The following PHF24 variants were observed in gnomAD, a reference collection of about 807,000 sequenced individuals.
The protein encoded by PHF24 is Galpha inhibitory interacting protein.
A neutral mutation model predicts 42.6 loss-of-function variants in PHF24; 25 were observed. The observed-to-expected ratio is 0.59, with a 90% CI of 0.43 to 0.82. The LOEUF (loss-of-function observed/expected upper bound fraction) is 0.82. PHF24 is among the 40% of genes least tolerant of loss of function. The pLI, the probability that PHF24 is intolerant of heterozygous loss-of-function variation, is 0.00. For missense variants in PHF24, 470 were observed against 538.1 expected, an observed-to-expected ratio of 0.87 and a Z score of 1.25; for synonymous variants, 185 against 204.8, an observed-to-expected ratio of 0.90 and a Z score of 0.83.
At chr9:34,782,775 G>A in the PHF24 span, among the ~76,000 whole-genome samples, 5 of 152,180 alleles carry the variant, frequency 3.3e-5, no homozygotes, top group African/African-American at 7.2e-5. Flanking sequence ...CCAACCTACT[G>A]TTTGATTGGG....
At chr9:34,872,121 A>G in the PHF24 span, among the ~76,000 whole-genome samples, 1 of 152,200 alleles carries the variant, frequency 6.6e-6, no homozygotes, top group African/African-American at 2.4e-5. Flanking sequence ...ATAGTTTGTT[A>G]GGTTTATACC....
chr9:34,931,256 G>A, the PHF24 span, among the ~76,000 whole-genome samples: 4 of 151,244 alleles, frequency 2.6e-5, no homozygotes, highest in African/African-American at 9.7e-5. Flanking sequence ...GGCTCCTGTA[G>A]TCCCAGCTAC....
the PHF24 span, among the ~76,000 whole-genome samples, chr9:34,804,774 G>T: frequency 1.2e-4 from 19 of 152,172 alleles, no homozygotes; most frequent in African/African-American, 4.6e-4. Flanking sequence ...ACAATTCAGT[G>T]GTTTCTGGCA....
At chr9:34,795,799 T>C in the PHF24 span, among the ~76,000 whole-genome samples, 1 of 151,644 alleles carries the variant, frequency 6.6e-6, no homozygotes, top group Admixed American at 6.6e-5. Flanking sequence ...GAGTTAGAGA[T>C]CAGCCTTGGC....
the PHF24 span, among the ~76,000 whole-genome samples, chr9:34,869,918 A>G: frequency 0.018 from 2,791 of 152,310 alleles, 103 homozygotes; most frequent in African/African-American, 0.064. Flanking sequence ...CAACCAAAAA[A>G]GTAATCATTA....
the PHF24 span, among the ~76,000 whole-genome samples, chr9:34,785,325 C>T: frequency 1.3e-5 from 2 of 152,190 alleles, no homozygotes; most frequent in African/African-American, 4.8e-5. Context: ...TGAGGGAGAG[C>T]CTTCATGACT....
the PHF24 span, among the ~76,000 whole-genome samples, chr9:34,940,927 C>G: frequency 2.6e-5 from 4 of 152,168 alleles, no homozygotes; most frequent in Non-Finnish European, 4.4e-5. Context: ...ACACAAGGAG[C>G]CTGAAATGCC....
At chr9:34,759,611 C>T in the PHF24 span, among the ~76,000 whole-genome samples, 178 of 152,256 alleles carry the variant, frequency 1.2e-3, 1 homozygote, top group African/African-American at 3.8e-3. Context: ...CAAACAGCTC[C>T]GGCTCCCTGC....
chr9:34,916,761 T>C, the PHF24 span, among the ~76,000 whole-genome samples: 1 of 152,190 alleles, frequency 6.6e-6, no homozygotes, highest in Non-Finnish European at 1.5e-5. Context: ...TGTGGTAAGT[T>C]TTTTTGGAGA....
At chr9:34,674,541 G>T in the PHF24 span, among the ~76,000 whole-genome samples, 1 of 152,258 alleles carries the variant, frequency 6.6e-6, no homozygotes, top group African/African-American at 2.4e-5. Flanking sequence ...ATATTTAAAT[G>T]AATAAGCATG....
chr9:34,739,417 A>G, the PHF24 span, among the ~76,000 whole-genome samples: 1 of 152,336 alleles, frequency 6.6e-6, no homozygotes, highest in Non-Finnish European at 1.5e-5. Flanking sequence ...TTTACCTAAT[A>G]GATAAACTCA....
the PHF24 span, chr9:34,726,907 A>G: frequency 6.4e-7 from 1 of 1,551,768 alleles, no homozygotes; most frequent in Non-Finnish European, 8.7e-7. Flanking sequence ...GAATCTCCAG[A>G]GCCACAGAAT....
At chr9:34,745,714 C>T in the PHF24 span, among the ~76,000 whole-genome samples, 1 of 148,618 alleles carries the variant, frequency 6.7e-6, no homozygotes, top group Non-Finnish European at 1.5e-5. Context: ...ACAACTTTAC[C>T]CCCCTAACAA....
At chr9:34,689,402 A>G in the PHF24 span, among the ~76,000 whole-genome samples, 1 of 151,992 alleles carries the variant, frequency 6.6e-6, no homozygotes, top group South Asian at 2.1e-4. The surrounding 1 kb of genome is among the most constrained non-coding windows in gnomAD (Gnocchi z 4.1). Flanking sequence ...AAGAGAAAAT[A>G]GATCCTGCCA....
chr9:34,780,616 C>T, the PHF24 span, among the ~76,000 whole-genome samples: 2 of 151,968 alleles, frequency 1.3e-5, no homozygotes, highest in Non-Finnish European at 1.5e-5. Context: ...ACACCAAAAG[C>T]ACAATAAACG....
chr9:34,925,007 T>G, the PHF24 span, among the ~76,000 whole-genome samples: 2 of 152,318 alleles, frequency 1.3e-5, no homozygotes, highest in Admixed American at 1.3e-4. Flanking sequence ...CAATTCCAGA[T>G]GTAGGACTCC....
At chr9:34,976,765 T>C in intron 5 of PHF24, 25 bp downstream of exon 5, 1 of 1,598,520 alleles carries the variant, frequency 6.3e-7, no homozygotes, top group Non-Finnish European at 8.6e-7. Flanking sequence ...GGGCAAATGT[T>C]CCTGGGATAC....
At chr9:34,811,577 T>A in the PHF24 span, among the ~76,000 whole-genome samples, 1 of 152,170 alleles carries the variant, frequency 6.6e-6, no homozygotes, top group African/African-American at 2.4e-5. Context: ...CCTCCAGAGA[T>A]GTAAGATATA....
At chr9:34,914,952 A>AT in the PHF24 span, among the ~76,000 whole-genome samples, 367 of 118,470 alleles carry the variant, frequency 3.1e-3, 3 homozygotes, top group East Asian at 0.015. Flanking sequence ...TGCCTGGCTA[A>AT]TTTTTTTTTT....
Sources: gnomAD v4.1 joint callset for allele counts (sites outside exome capture counted in the v4.1 genomes callset) on GRCh38, gnomAD v4.1.1 for gene constraint, Gnocchi (gnomAD v3.1) non-coding constraint, MANE v1.5 for transcripts, NCBI Gene and HGNC (gene_info 2026-07-23, HGNC 2026-07-21) for gene names.